PDK3: variants seen among roughly 807,000 people sequenced by gnomAD.
The protein encoded by PDK3 is pyruvate dehydrogenase kinase 3.
PDK3 carries 12 observed loss-of-function variants against 32.0 expected under a neutral mutation model. The observed-to-expected ratio is 0.37, with a 90% CI of 0.24 to 0.61. PDK3 has a LOEUF of 0.61. Ranked by LOEUF, PDK3 falls within the 20% of genes least tolerant of loss-of-function variation. The pLI is 0.65. For missense variants in PDK3, 188 were observed against 316.9 expected, an observed-to-expected ratio of 0.59 and a Z score of 3.09; for synonymous variants, 122 against 116.3, an observed-to-expected ratio of 1.05 and a Z score of -0.31.
intron 3 of PDK3, chrX:24,499,182 A>G (rs1459135748): frequency 1.8e-5 from 3 of 168,539 alleles, no homozygotes; most frequent in Non-Finnish European, 3.3e-5. Flanking sequence ...ACTGCAGTAA[A>G]TGTTCCATCT....
intron 1 of PDK3, among the ~76,000 whole-genome samples, chrX:24,487,083 C>T (rs934982093): frequency 8.9e-6 from 1 of 112,328 alleles, no homozygotes; most frequent in Admixed American, 9.5e-5. Context: ...AGAAACTGCT[C>T]ATGAAACAAA....
chrX:24,521,446 C>A (rs1423227159), intron 6 of PDK3, among the ~76,000 whole-genome samples: 1 of 110,968 alleles, frequency 9.0e-6, no homozygotes, highest in African/African-American at 3.3e-5. Context: ...CTTTCAAGGT[C>A]TCTTGGGTTC....
At chrX:24,470,822 C>T (rs1183327403) in intron 1 of PDK3, among the ~76,000 whole-genome samples, 1 of 110,080 alleles carries the variant, frequency 9.1e-6, no homozygotes, top group East Asian at 2.8e-4. Context: ...CATTTGTCCC[C>T]CCCCTTCTTC....
Position 24,470,821 on chromosome X carries a change from C to T in PDK3, c.106+5260C>T, listed in dbSNP as rs1000828575. On this transcript the variant is annotated intron_variant, in intron 1 of 10. Coordinates refer to ENST00000379162, the MANE Select transcript of PDK3 (RefSeq NM_005391.5). Reference sequence around the variant, plus strand: ...TTAATTTTCCCTGTGACATTTGTCCCCCCCCTTCTTCTTGAGTAGGTTAGT... The same window carrying T: ...TTAATTTTCCCTGTGACATTTGTCCTCCCCCTTCTTCTTGAGTAGGTTAGT... Among the ~76,000 whole-genome samples the T allele has an allele frequency of 1.0e-4, 11 of 109,927 alleles. No homozygotes were observed. The East Asian group carries it at 3.1e-3, about 31-fold the overall frequency.
At chrX:24,528,531 G>A (rs1469411721) in intron 9 of PDK3, among the ~76,000 whole-genome samples, 1 of 112,427 alleles carries the variant, frequency 8.9e-6, no homozygotes, top group Admixed American at 9.4e-5. Context: ...GTGAGCAAAG[G>A]GACAGTACTG....
intron 1 of PDK3, among the ~76,000 whole-genome samples, chrX:24,478,663 T>C (rs1299129808): frequency 8.9e-6 from 1 of 112,011 alleles, no homozygotes; most frequent in African/African-American, 3.2e-5. Context: ...GATTAAACCT[T>C]TTGCCATAAT....
intron 9 of PDK3, among the ~76,000 whole-genome samples, chrX:24,531,326 C>A (rs1922645314): frequency 8.9e-6 from 1 of 111,891 alleles, no homozygotes; most frequent in Non-Finnish European, 1.9e-5. Context: ...TCCCAAAGTG[C>A]TGGGATTACA....
At chrX:24,486,460 G>A (rs1035960694) in intron 1 of PDK3, among the ~76,000 whole-genome samples, 2 of 111,178 alleles carry the variant, frequency 1.8e-5, no homozygotes, top group African/African-American at 6.6e-5. Context: ...TCCCTTCTGC[G>A]TGCTGTCTAA....
chrX:24,535,502 C>T (rs1338715760), downstream of PDK3, among the ~76,000 whole-genome samples: 3 of 69,521 alleles, frequency 4.3e-5, no homozygotes, highest in Non-Finnish European at 7.2e-5. Context: ...TAGACTCCAT[C>T]TCAAAAAAAA....
intron 1 of PDK3, among the ~76,000 whole-genome samples, chrX:24,474,310 G>T (rs1201221225): frequency 9.0e-6 from 1 of 111,649 alleles, no homozygotes; most frequent in Non-Finnish European, 1.9e-5. Context: ...GGCAATTACT[G>T]ATGGCATGCC....
At chrX:24,539,894 A>C (rs1003028872) in exon 12 of PDK3, 1 of 112,478 alleles carries the variant, frequency 8.9e-6, no homozygotes, top group African/African-American at 3.2e-5. Context: ...CCTCCTGGTC[A>C]ATACCAAATT....
At chrX:24,529,338 A>G (rs776874935) in intron 9 of PDK3, among the ~76,000 whole-genome samples, 36 of 111,600 alleles carry the variant, frequency 3.2e-4, no homozygotes, top group African/African-American at 1.1e-3. Flanking sequence ...ACGCATGCGC[A>G]CTCCCATTGT....
intron 5 of PDK3, among the ~76,000 whole-genome samples, chrX:24,507,743 A>T (rs2148193451): frequency 8.9e-6 from 1 of 112,328 alleles, no homozygotes; most frequent in South Asian, 3.7e-4. Flanking sequence ...AAATTTGAAC[A>T]CTGGATATTT....
downstream of PDK3, among the ~76,000 whole-genome samples, chrX:24,536,368 GT>G (rs199878582): frequency 4.6e-4 from 49 of 107,267 alleles, no homozygotes; most frequent in East Asian, 2.9e-3. Context: ...ATAAAAGAAT[GT>G]TTTTTTTTTA....
intron 1 of PDK3, among the ~76,000 whole-genome samples, chrX:24,474,308 C>G (rs767299825): frequency 8.9e-6 from 1 of 111,889 alleles, no homozygotes; most frequent in Non-Finnish European, 1.9e-5. Context: ...ATGGCAATTA[C>G]TGATGGCATG....
intron 1 of PDK3, among the ~76,000 whole-genome samples, chrX:24,475,574 G>A (rs1921094939): frequency 9.1e-6 from 1 of 110,337 alleles, no homozygotes; most frequent in African/African-American, 3.3e-5. Context: ...TGGGAGGATC[G>A]CTTGAGCCTG....
chrX:24,486,325 T>C (rs969505608), intron 1 of PDK3, among the ~76,000 whole-genome samples: 4 of 111,391 alleles, frequency 3.6e-5, no homozygotes, highest in Admixed American at 1.9e-4. Context: ...TGGGCAGTCC[T>C]AGTTGTGCAG....
At chrX:24,550,218 C>G (rs1923072871) in exon 12 of PDK3, 1 of 111,762 alleles carries the variant, frequency 8.9e-6, no homozygotes, top group African/African-American at 3.3e-5. Flanking sequence ...GTTGTGTGGC[C>G]TGGTTGGTAC....
intron 6 of PDK3, among the ~76,000 whole-genome samples, chrX:24,520,099 A>G (rs1285349900): frequency 6.3e-5 from 7 of 111,919 alleles, no homozygotes; most frequent in African/African-American, 9.7e-5. Flanking sequence ...AGACTGAGGC[A>G]GGAGAATCAC....
Sources: allele counts gnomAD v4.1 joint callset (sites outside exome capture counted in the v4.1 genomes callset), GRCh38; gene constraint gnomAD v4.1.1; transcripts MANE v1.5; gene names NCBI Gene and HGNC (gene_info 2026-07-23, HGNC 2026-07-21).